SARS1: variants seen among roughly 807,000 people sequenced by gnomAD.
The protein encoded by SARS1 is serine--tRNA ligase, cytoplasmic.
Under a neutral mutation model 63.7 loss-of-function variants are expected in SARS1, and 25 were observed. That is an observed-to-expected ratio of 0.39 (90% CI 0.29 to 0.55). SARS1 has a LOEUF of 0.55. SARS1 is among the 20% of genes least tolerant of loss of function. The probability of loss-of-function intolerance (pLI) is 0.62; values close to 1 mark genes in which losing one functional copy is unlikely to be tolerated. For synonymous variants in SARS1, 231 were observed against 243.5 expected, an observed-to-expected ratio of 0.95 and a Z score of 0.48; for missense variants, 417 against 649.7, an observed-to-expected ratio of 0.64 and a Z score of 3.89.
At position 109,235,513 on chromosome 1, in the gene SARS1, A is replaced by AGCCAGGATG; in HGVS notation, c.969+83_969+84insCCAGGATGG. On this transcript the variant is annotated intron_variant, in intron 7 of 10. Transcript: ENST00000234677. The surrounding 1 kb of genome is among the most constrained non-coding windows in gnomAD (Gnocchi z 4.7). ...ATGAGAGATAGGATCTGTGTTGCTG[A>AGCCAGGATG]GGCCCATCCTGGCTCCAGCTTTTCC... 1.8e-6 allele frequency: 2 copies of AGCCAGGATG among 1,130,728 alleles called. No homozygotes were observed. The highest frequency in any genetic ancestry group is 2.5e-6 in the Non-Finnish European group (2 of 785,896). 70.0% of individuals were successfully genotyped at this position (1,130,728 alleles called of 1,614,324 possible).
chr1:109,233,360 C>T (rs1655245638), intron 6 of SARS1, among the ~76,000 whole-genome samples: 1 of 152,080 alleles, frequency 6.6e-6, no homozygotes, highest in South Asian at 2.1e-4. Context: ...TATTAGGCTG[C>T]ACAGCCCTAG....
chr1:109,227,365 T>C (rs915392169), intron 2 of SARS1, among the ~76,000 whole-genome samples: 2 of 152,150 alleles, frequency 1.3e-5, no homozygotes, highest in Non-Finnish European at 2.9e-5. Flanking sequence ...TGTGCAAGGA[T>C]TACAAATGAT....
rs752571794 is a variant in SARS1 at position 109,235,463 on chromosome 1, C to T, written c.969+32C>T. The T allele has an allele frequency of 2.0e-5, 30 of 1,534,060 alleles. No individual in the cohort carries two copies. Among genetic ancestry groups the T allele is most frequent in the Non-Finnish European group, 2.2e-5 (25 of 1,116,900 alleles). The stretch of plus-strand genomic sequence containing the variant: ...AGATGGGTCAGGGTAAGGAGTGGAA[C>T]TTTCTCTGTCTCCAGAATGGTTAGA... On this transcript the variant is annotated intron_variant, in intron 7 of 10. Transcript: ENST00000234677. This position sits in a 1 kb window ranked among gnomAD's most constrained non-coding sequence, Gnocchi z 4.7.
At chr1:109,216,026 T>C in intron 1 of SARS1, 1 of 985,242 alleles carries the variant, frequency 1.0e-6, no homozygotes, top group Non-Finnish European at 1.2e-6. Flanking sequence ...CCAATGCATC[T>C]ATTAATTTGA....
upstream of SARS1, chr1:109,213,898 G>A (rs542893737): frequency 5.2e-5 from 75 of 1,452,524 alleles, no homozygotes; most frequent in African/African-American, 9.2e-4. Context: ...TGCGCAGGAA[G>A]GGCGGGTCAG....
At chr1:109,216,394 A>G in intron 1 of SARS1, 3 of 985,322 alleles carry the variant, frequency 3.0e-6, no homozygotes, top group South Asian at 9.4e-5. Flanking sequence ...ATAATACCAC[A>G]TTGGAACTCA....
chr1:109,232,590 A>G (rs533349325), intron 6 of SARS1, among the ~76,000 whole-genome samples: 6 of 152,166 alleles, frequency 3.9e-5, no homozygotes, highest in Non-Finnish European at 5.9e-5. Flanking sequence ...CGATCTTTCC[A>G]TTGTTTCTGT....
chr1:109,236,520 A>G lies in SARS1; in HGVS notation c.1229A>G (p.Tyr410Cys), dbSNP rs747977909. The change falls in exon 9 of 11, where the codon TAT becomes TGT. Residue 410 changes from tyrosine to cysteine, a missense_variant. Around this residue, in one of 3 missense-constraint regions of SARS1, gnomAD observed 359 missense variants for 529.6 expected, o/e 0.68. Coordinates refer to ENST00000234677, the MANE Select transcript of SARS1 (RefSeq NM_006513.4). ...CAGGCTCGCCGGCTTCGAATCCGAT[A>G]TGGGCAAACCAAGAAGATGATGGAC... ...DYQARRLRIRYGQTKKMMDKV... is the reference protein window; with the variant it reads ...DYQARRLRIRCGQTKKMMDKV... 1 of 1,606,246 alleles carries G rather than the reference A, an allele frequency of 6.2e-7. No homozygotes were observed. The highest frequency in any genetic ancestry group is 1.1e-5 in the South Asian group (1 of 90,948).
rs1223569759 is a variant in SARS1 at position 109,231,676 on chromosome 1, C to T, written c.637C>T (p.Arg213Cys). 8 of 1,589,128 alleles carry T rather than the reference C, an allele frequency of 5.0e-6. No homozygotes were observed. The highest frequency in any genetic ancestry group is 4.1e-5 in the African/African-American group (3 of 73,190). ...LEQALIQYAL[R>C]TLGSRGYIPI... is the part of the protein sequence containing the mutation. The stretch of plus-strand genomic sequence containing the variant: ...ACAGGCTCTCATCCAGTATGCCCTT[C>T]GCACCTTGGGAAGTCGGGGCTACAT... Residue 213 changes from arginine (R) to cysteine (C), a missense_variant, in exon 6 of 11, where the codon CGC (arginine) becomes TGC (cysteine). This residue lies in a region of SARS1 where 359 missense variants were observed against 529.6 expected (regional missense o/e 0.68). Transcript: ENST00000234677.
In SARS1 at chr1:109,237,660, T is replaced by A. The variant is rs1570765527; in HGVS notation, c.1388-71T>A. On this transcript the variant is annotated intron_variant, in intron 10 of 10. Coordinates refer to ENST00000234677, the MANE Select transcript of SARS1 (RefSeq NM_006513.4). This position sits in a 1 kb window ranked among gnomAD's most constrained non-coding sequence, Gnocchi z 4.1. ...CAAAGGGATCATTGTCTTGTTGAAT[T>A]CTCCCCAGAGGTCTTAGGGCTTTGA... The A allele has an allele frequency of 6.5e-7, 1 of 1,531,050 alleles. No individual in the cohort carries two copies. The highest frequency in any genetic ancestry group is 8.9e-7 in the Non-Finnish European group (1 of 1,120,364). 94.8% of individuals were successfully genotyped at this position (1,531,050 alleles called of 1,614,324 possible).
intron 2 of SARS1, among the ~76,000 whole-genome samples, chr1:109,227,028 C>CTTTTTTTTTT (rs1655104733): frequency 7.5e-6 from 1 of 132,694 alleles, no homozygotes. Flanking sequence ...CAGAGTCTTA[C>CTTTTTTTTTT]TCTGTCACCC....
intron 2 of SARS1, among the ~76,000 whole-genome samples, chr1:109,226,706 A>ACT (rs1655094700): frequency 1.7e-5 from 1 of 57,950 alleles, no homozygotes; most frequent in East Asian, 8.8e-4. Context: ...ATACACACAC[A>ACT]CACACACACA....
rs1439421462 is a variant in SARS1 at position 109,237,163 on chromosome 1, G to T, written c.1258-81G>T. The T allele has an allele frequency of 1.9e-6, 3 of 1,539,306 alleles. No individual in the cohort carries two copies. Among genetic ancestry groups the T allele is most frequent in the East Asian group, 4.5e-5 (2 of 44,334 alleles). On this transcript the variant is annotated intron_variant, in intron 9 of 10. Coordinates refer to ENST00000234677, the MANE Select transcript of SARS1 (RefSeq NM_006513.4). This position sits in a 1 kb window ranked among gnomAD's most constrained non-coding sequence, Gnocchi z 4.1. ...GGACAGTTGTGGTTGGGGAAGTCTG[G>T]TTGAATGGATGGTTCCTGGCCGTCA...
rs1240693118 is a variant in SARS1, at chr1:109,237,948, G to A, written c.*60G>A. Reference sequence around the variant, plus strand: ...TCTGTCTGCTGAGATCTCAGAGCCTGCCCAACAGCAGGGAAGCCAAGCACC... The same window carrying A: ...TCTGTCTGCTGAGATCTCAGAGCCTACCCAACAGCAGGGAAGCCAAGCACC... On this transcript the variant is annotated 3_prime_UTR_variant, in exon 11 of 11. Coordinates refer to ENST00000234677, the MANE Select transcript of SARS1 (RefSeq NM_006513.4). The surrounding 1 kb of genome is among the most constrained non-coding windows in gnomAD (Gnocchi z 4.1). 5 of 1,584,920 alleles carry A rather than the reference G, an allele frequency of 3.2e-6. No individual in the cohort carries two copies. In the African/African-American group the frequency reaches 6.8e-5, roughly 21 times the overall value.
chr1:109,216,581 TC>T, intron 1 of SARS1: 1 of 985,094 alleles, frequency 1.0e-6, no homozygotes, highest in Middle Eastern at 5.2e-4. Context: ...AAAAGTGCTA[TC>T]CTGAGTGGTT....
chr1:109,237,281 C>T lies in SARS1; in HGVS notation c.1295C>T (p.Ala432Val). The T allele has an allele frequency of 6.2e-7, 1 of 1,614,044 alleles. No homozygotes were observed. The highest frequency in any genetic ancestry group is 8.5e-7 in the Non-Finnish European group (1 of 1,180,008). The stretch of plus-strand genomic sequence containing the variant: ...CATATGCTCAATGCTACCATGTGCG[C>T]CACTACCCGTACCATCTGCGCCATC... ...FVHMLNATMC[A>V]TTRTICAILE... Residue 432 changes from alanine (A) to valine (V), a missense_variant, in exon 10 of 11, where the codon GCC (alanine) becomes GTC (valine). Ala to Val is a moderately conservative substitution (Grantham distance 64). Around this residue, in one of 3 missense-constraint regions of SARS1, gnomAD observed 15 missense variants for 52.0 expected, o/e 0.29. Coordinates refer to ENST00000234677, the MANE Select transcript of SARS1 (RefSeq NM_006513.4). The surrounding 1 kb of genome is among the most constrained non-coding windows in gnomAD (Gnocchi z 4.1).
chr1:109,228,542 A>G, intron 3 of SARS1, 110 bp downstream of exon 3: 1 of 711,612 alleles, frequency 1.4e-6, no homozygotes, highest in Non-Finnish European at 2.4e-6. Flanking sequence ...ACATCCTTTC[A>G]TTTCTGCTGC....
Position 109,237,645 on chromosome 1 carries a change from A to ACAAAGACCCC in SARS1, c.1388-86_1388-85insCAAAGACCCC. On this transcript the variant is annotated intron_variant, in intron 10 of 10. Coordinates refer to ENST00000234677, the MANE Select transcript of SARS1 (RefSeq NM_006513.4). The surrounding 1 kb of genome is among the most constrained non-coding windows in gnomAD (Gnocchi z 4.1). ...AGGGACCCCTCTGTTCAAAGGGATCATTGTCTTGTTGAATTCTCCCCAGAG... is the reference window on the plus strand; with the variant it reads ...AGGGACCCCTCTGTTCAAAGGGATCACAAAGACCCCTTGTCTTGTTGAATTCTCCCCAGAG... 1.4e-6 allele frequency: 2 copies of ACAAAGACCCC among 1,458,440 alleles called. No homozygotes were observed. The highest frequency in any genetic ancestry group is 2.4e-5 in the South Asian group (2 of 82,230). 90.3% of individuals were successfully genotyped at this position (1,458,440 alleles called of 1,614,324 possible).
intron 1 of SARS1, among the ~76,000 whole-genome samples, chr1:109,218,925 T>A (rs1166590391): frequency 6.6e-6 from 1 of 152,118 alleles, no homozygotes; most frequent in East Asian, 1.9e-4. Flanking sequence ...GTGTACAGGT[T>A]GATGAGTTTT....
Sources: allele counts gnomAD v4.1 joint callset (sites outside exome capture counted in the v4.1 genomes callset), GRCh38; gene constraint gnomAD v4.1.1; regional missense constraint gnomAD v4.1.1; non-coding constraint Gnocchi (gnomAD v3.1); transcripts MANE v1.5; gene names NCBI Gene and HGNC (gene_info 2026-07-23, HGNC 2026-07-21).